The following SPTBN1 variants were observed in gnomAD, a reference collection of about 807,000 sequenced individuals.
The protein encoded by SPTBN1 is spectrin beta chain, non-erythrocytic 1.
Under a neutral mutation model 266.4 loss-of-function variants are expected in SPTBN1, and 32 were observed. The observed-to-expected ratio is 0.12, with a 90% CI of 0.09 to 0.16. The LOEUF (loss-of-function observed/expected upper bound fraction) is 0.16, where lower values mean the gene tolerates loss of function less well. SPTBN1 is among the 10% of genes least tolerant of loss of function. The probability of loss-of-function intolerance (pLI) is 1.00; values close to 1 mark genes in which losing one functional copy is unlikely to be tolerated. For synonymous variants in SPTBN1, 1,336 were observed against 1,162.2 expected, an observed-to-expected ratio of 1.15 and a Z score of -3.04; for missense variants, 2,296 against 3,067.1, an observed-to-expected ratio of 0.75 and a Z score of 5.94.
chr2:54,588,008 A>G (rs1000551656), intron 2 of SPTBN1, among the ~76,000 whole-genome samples: 1 of 152,190 alleles, frequency 6.6e-6, no homozygotes, highest in African/African-American at 2.4e-5. Context: ...CTTAGTACCT[A>G]TTTGCTAAGC....
chr2:54,545,710 C>G (rs1672197211), intron 2 of SPTBN1, among the ~76,000 whole-genome samples: 1 of 152,078 alleles, frequency 6.6e-6, no homozygotes, highest in African/African-American at 2.4e-5. Flanking sequence ...ACTTCTCTAA[C>G]TTGACTTTAG....
At chr2:54,654,021 C>T (rs954556869) in intron 27 of SPTBN1, among the ~76,000 whole-genome samples, 168 bp downstream of exon 27, 1 of 152,284 alleles carries the variant, frequency 6.6e-6, no homozygotes, top group South Asian at 2.1e-4. Context: ...GCCTCGTGCA[C>T]TTGGCTCGTG....
At chr2:54,542,533 T>G (rs1054065992) in intron 2 of SPTBN1, among the ~76,000 whole-genome samples, 2 of 152,192 alleles carry the variant, frequency 1.3e-5, no homozygotes, top group Admixed American at 1.3e-4. Flanking sequence ...GACCCTCCCC[T>G]AGATTTCCAT....
intron 3 of SPTBN1, among the ~76,000 whole-genome samples, chr2:54,604,467 A>G (rs780405139): frequency 6.6e-6 from 1 of 151,920 alleles, no homozygotes; most frequent in Non-Finnish European, 1.5e-5. Flanking sequence ...AATGACCCAA[A>G]CTCAAGGCTG....
chr2:54,605,197 A>G (rs1676761060), intron 3 of SPTBN1, among the ~76,000 whole-genome samples: 1 of 152,182 alleles, frequency 6.6e-6, no homozygotes, highest in African/African-American at 2.4e-5. Flanking sequence ...TTTTGAGAAG[A>G]TGAAGTTTGG....
intron 2 of SPTBN1, among the ~76,000 whole-genome samples, chr2:54,593,584 G>A (rs1021321168): frequency 6.6e-6 from 1 of 151,958 alleles, no homozygotes; most frequent in Non-Finnish European, 1.5e-5. Flanking sequence ...AAGAGGGGAT[G>A]GTGAGAAGTG....
In SPTBN1 at chr2:54,628,313, C is replaced by G; in HGVS notation, c.1798+63C>G. On this transcript the variant is annotated intron_variant, in intron 13 of 35. Coordinates refer to ENST00000356805, the MANE Select transcript of SPTBN1 (RefSeq NM_003128.3). This position sits in a 1 kb window ranked among gnomAD's most constrained non-coding sequence, Gnocchi z 4.3. ...CCAGAGATTCATATTTATAGAAACACAGTGGGGCTTTTGAAGTTACTGTGC... is the reference window on the plus strand; with the variant it reads ...CCAGAGATTCATATTTATAGAAACAGAGTGGGGCTTTTGAAGTTACTGTGC... 1 of 1,511,824 alleles carries G rather than the reference C, an allele frequency of 6.6e-7. No individual in the cohort carries two copies. Among genetic ancestry groups the G allele is most frequent in the Non-Finnish European group, 8.8e-7 (1 of 1,130,466 alleles). The allele number at this position is 1,511,824 out of a possible 1,614,324, so 93.7% of individuals were successfully genotyped here.
chr2:54,645,525 C>T lies in SPTBN1; in HGVS notation c.4494+72C>T. 6.6e-7 allele frequency: 1 copy of T among 1,507,222 alleles called. No homozygotes were observed. The highest frequency in any genetic ancestry group is 9.0e-7 in the Non-Finnish European group (1 of 1,106,010). The allele number at this position is 1,507,222 out of a possible 1,614,324, so 93.4% of individuals were successfully genotyped here. A position where few individuals can be genotyped will look rare whatever the true frequency, so the allele number is the denominator to read the frequency against. On this transcript the variant is annotated intron_variant, in intron 21 of 35. Transcript: ENST00000356805. The surrounding 1 kb of genome is among the most constrained non-coding windows in gnomAD (Gnocchi z 4.3). ...GCCTGTGCTAAAGCCCACATTCTCACTTCTCAGTCATCCTCACCTTGGGCC... is the reference window on the plus strand; with the variant it reads ...GCCTGTGCTAAAGCCCACATTCTCATTTCTCAGTCATCCTCACCTTGGGCC...
intron 18 of SPTBN1, 109 bp from the exon 19 acceptor site, chr2:54,642,874 T>C (rs989372899): frequency 7.4e-7 from 1 of 1,360,506 alleles, no homozygotes; most frequent in Non-Finnish European, 1.0e-6. Context: ...TCTGTCACCA[T>C]GGAAACGTGT....
intron 1 of SPTBN1, among the ~76,000 whole-genome samples, chr2:54,518,206 AAAC>A (rs1670222720): frequency 6.6e-6 from 1 of 151,996 alleles, no homozygotes; most frequent in Non-Finnish European, 1.5e-5. Context: ...GGTTATTAAG[AAAC>A]AGTGGTTTCT....
intron 1 of SPTBN1, among the ~76,000 whole-genome samples, chr2:54,493,354 G>A (rs1200173914): frequency 2.0e-5 from 3 of 149,582 alleles, no homozygotes; most frequent in Non-Finnish European, 4.4e-5. Flanking sequence ...TTCCTTCTGT[G>A]TTCTGGGTTG....
chr2:54,504,759 G>GT (rs922342068), intron 1 of SPTBN1, among the ~76,000 whole-genome samples: 66 of 148,274 alleles, frequency 4.5e-4, no homozygotes, highest in African/African-American at 8.4e-4. Flanking sequence ...TAATTAAAAG[G>GT]TTTTTTTTTT....
At chr2:54,557,256 G>C (rs1326449466) in intron 2 of SPTBN1, among the ~76,000 whole-genome samples, 1 of 152,098 alleles carries the variant, frequency 6.6e-6, no homozygotes, top group Admixed American at 6.6e-5. Flanking sequence ...AACCTGGGGT[G>C]GGGGACCACG....
Position 54,643,119 on chromosome 2 carries a change from A to G in SPTBN1, c.3995A>G (p.Lys1332Arg). 6.2e-7 allele frequency: 1 copy of G among 1,614,172 alleles called. No individual in the cohort carries two copies. Among genetic ancestry groups the G allele is most frequent in the Non-Finnish European group, 8.5e-7 (1 of 1,180,002 alleles). The change falls in exon 19 of 36, where the codon AAA (lysine) becomes AGA (arginine). Residue 1332 changes from lysine (K) to arginine (R), a missense_variant. Physicochemically the swap from Lys to Arg is conservative, Grantham distance 26. Transcript: ENST00000356805. ...GCATCCAACAAAGAATGGCTTGACA[A>G]AATCGAGAAGGTGAGTTAAAACATT... is the stretch of plus-strand genomic sequence containing the variant. ...ELASNKEWLD[K>R]IEKEGMQLIS...
At chr2:54,644,059 G>A (rs550850331) in intron 19 of SPTBN1, among the ~76,000 whole-genome samples, 8 of 152,224 alleles carry the variant, frequency 5.3e-5, no homozygotes, top group South Asian at 4.2e-4. Flanking sequence ...ATAAAGTCAC[G>A]TTATTAGCAT....
intron 1 of SPTBN1, among the ~76,000 whole-genome samples, chr2:54,488,837 G>A (rs934824616): frequency 6.6e-6 from 1 of 151,998 alleles, no homozygotes; most frequent in Non-Finnish European, 1.5e-5. Context: ...ACAAAGGCTC[G>A]CTTTGTAAAG....
At chr2:54,551,547 G>T (rs997895484) in intron 2 of SPTBN1, among the ~76,000 whole-genome samples, 2 of 152,228 alleles carry the variant, frequency 1.3e-5, no homozygotes, top group Non-Finnish European at 2.9e-5. Context: ...CCAGGACCTT[G>T]GGTGCTTGTT....
At position 54,628,949 on chromosome 2, in the gene SPTBN1, C is replaced by T. The variant is rs1021767484; in HGVS notation, c.1815C>T (p.Asp605=). 7.5e-6 allele frequency: 12 copies of T among 1,604,954 alleles called. No homozygotes were observed. Among genetic ancestry groups the T allele is most frequent in the Non-Finnish European group, 7.7e-6 (9 of 1,175,330 alleles). ...ATDGEGYKPC[D]PQVIRDRVAH... ...GTTAAACAGGTTACAAGCCCTGTGA[C>T]CCCCAGGTGATCCGAGACCGCGTGG... Residue 605 remains aspartate (D), a synonymous_variant, in exon 14 of 36, where the codon GAC becomes GAT. Coordinates refer to ENST00000356805, the MANE Select transcript of SPTBN1 (RefSeq NM_003128.3). This position sits in a 1 kb window ranked among gnomAD's most constrained non-coding sequence, Gnocchi z 4.3.
chr2:54,524,134 G>C (rs1573332750), intron 1 of SPTBN1, among the ~76,000 whole-genome samples: 1 of 152,166 alleles, frequency 6.6e-6, no homozygotes, highest in East Asian at 1.9e-4. Context: ...AGGAGGCGGA[G>C]GCTGCAGTGA....
Sources: allele counts gnomAD v4.1 joint callset (sites outside exome capture counted in the v4.1 genomes callset), GRCh38; gene constraint gnomAD v4.1.1; non-coding constraint Gnocchi (gnomAD v3.1); transcripts MANE v1.5; gene names NCBI Gene and HGNC (gene_info 2026-07-23, HGNC 2026-07-21).